CRACD: variants seen among roughly 807,000 people sequenced by gnomAD.
CRACD encodes the protein capping protein inhibiting regulator of actin dynamics, also known as capping protein-inhibiting regulator of actin dynamics.
CRACD carries 56 observed loss-of-function variants against 106.8 expected under a neutral mutation model. The ratio of observed to expected loss-of-function variants is 0.52; its 90% CI spans 0.42 to 0.66. CRACD has a LOEUF of 0.66. Ranked by LOEUF, CRACD falls within the 30% of genes least tolerant of loss-of-function variation. The pLI is 0.00. For missense variants in CRACD, 1,730 were observed against 1,623.2 expected (o/e 1.07, Z -1.13); for synonymous variants, 754 against 670.8 (o/e 1.12, Z -1.92).
At chr4:56,288,602 C>CTCTTCT (rs1473151880) in intron 3 of CRACD, 1 of 153,314 alleles carries the variant, frequency 6.5e-6, no homozygotes, top group Non-Finnish European at 1.5e-5. Flanking sequence ...CTTCCTCTTC[C>CTCTTCT]TCTTCCTTCT....
At chr4:56,074,759 G>A (rs1732779813) in intron 1 of CRACD, among the ~76,000 whole-genome samples, 2 of 152,078 alleles carry the variant, frequency 1.3e-5, no homozygotes, top group African/African-American at 4.8e-5. Flanking sequence ...TCCTTGTCTT[G>A]TGCCGGTTTT....
At chr4:56,257,962 T>C (rs946556023) in intron 2 of CRACD, among the ~76,000 whole-genome samples, 7 of 150,998 alleles carry the variant, frequency 4.6e-5, no homozygotes, top group Non-Finnish European at 1.0e-4. Context: ...CCTAGCTACT[T>C]GGGAGGCTGA....
chr4:56,155,601 C>T (rs952628896), intron 1 of CRACD, among the ~76,000 whole-genome samples: 22 of 152,138 alleles, frequency 1.4e-4, no homozygotes, highest in African/African-American at 4.8e-4. Context: ...TTATTGCTCC[C>T]ATTTTACAGA....
intron 3 of CRACD, among the ~76,000 whole-genome samples, chr4:56,278,877 C>T (rs777375434): frequency 1.3e-5 from 2 of 152,090 alleles, no homozygotes; most frequent in Non-Finnish European, 2.9e-5. Context: ...TCAATTAACA[C>T]ATAAACCATA....
intron 1 of CRACD, among the ~76,000 whole-genome samples, chr4:56,109,898 CAA>C (rs1392515238): frequency 6.6e-6 from 1 of 151,470 alleles, no homozygotes; most frequent in Non-Finnish European, 1.5e-5. Context: ...CAGAGAGGGA[CAA>C]ATGGGAGAGA....
At chr4:56,176,063 C>A (rs1366267976) in intron 1 of CRACD, among the ~76,000 whole-genome samples, 1 of 152,034 alleles carries the variant, frequency 6.6e-6, no homozygotes, top group Non-Finnish European at 1.5e-5. Flanking sequence ...GTTCTTGGTG[C>A]CTTTGTTGAA....
intron 3 of CRACD, among the ~76,000 whole-genome samples, chr4:56,288,884 T>C (rs556691243): frequency 6.6e-6 from 1 of 152,280 alleles, no homozygotes; most frequent in East Asian, 1.9e-4. Flanking sequence ...CAAATGCCCA[T>C]TGATGGATGA....
chr4:56,325,370 T>C (rs756536319), intron 10 of CRACD, among the ~76,000 whole-genome samples: 18 of 152,140 alleles, frequency 1.2e-4, no homozygotes, highest in Non-Finnish European at 2.5e-4. Flanking sequence ...AAATGTTGTA[T>C]CTGAAAACCA....
intron 2 of CRACD, among the ~76,000 whole-genome samples, chr4:56,241,635 G>A (rs1208671936): frequency 1.3e-5 from 2 of 152,188 alleles, no homozygotes; most frequent in Non-Finnish European, 2.9e-5. Flanking sequence ...GGAGTTCATG[G>A]TTTAGTGGGG....
At chr4:56,189,093 G>A (rs1737238252) in intron 2 of CRACD, among the ~76,000 whole-genome samples, 1 of 151,940 alleles carries the variant, frequency 6.6e-6, no homozygotes, top group Admixed American at 6.5e-5. Context: ...TGAGGCATGA[G>A]AATTGCTTGA....
rs776418617 is a variant in CRACD, at chr4:56,315,960, T to A, written c.2458T>A (p.Ser820Thr). Residue 820 changes from serine to threonine, a missense_variant, in exon 8 of 11, where the codon TCG (serine) becomes ACG (threonine). Transcript: ENST00000682029. The surrounding 1 kb of genome is among the most constrained non-coding windows in gnomAD (Gnocchi z 4.1). ...VVAHTEFTTS[S>T]DSETANGIAK... ...GGCCCACACAGAGTTCACGACCTCG[T>A]CGGACAGCGAGACTGCAAACGGGAT... is the stretch of plus-strand genomic sequence containing the variant. 1 of 1,614,150 alleles carries A rather than the reference T, an allele frequency of 6.2e-7. No homozygotes were observed. Among genetic ancestry groups the A allele is most frequent in the Non-Finnish European group, 8.5e-7 (1 of 1,180,028 alleles).
At chr4:56,287,407 T>A (rs1223884267) in intron 3 of CRACD, among the ~76,000 whole-genome samples, 1 of 151,984 alleles carries the variant, frequency 6.6e-6, no homozygotes, top group Non-Finnish European at 1.5e-5. Flanking sequence ...CTCAGCCTCC[T>A]GAGTAGCTGG....
In CRACD at chr4:56,257,204, C is replaced by G. The variant is rs527526180; in HGVS notation, c.-188-15117C>G. The stretch of plus-strand genomic sequence containing the variant: ...TAAAGCAATTCTCATGTTTCAGCCT[C>G]CCAAGTAGCTGGGATTACAGGTGCC... On this transcript the variant is annotated intron_variant, in intron 2 of 10. Coordinates refer to ENST00000682029, the MANE Select transcript of CRACD (RefSeq NM_001393381.1). 5.4e-4 allele frequency among the ~76,000 whole-genome samples: 82 copies of G among 151,612 alleles called. 1 individual carries two copies. Among genetic ancestry groups the G allele is most frequent in the African/African-American group, 1.9e-3 (78 of 41,278 alleles).
Position 56,327,929 on chromosome 4 carries a change from AAAT to A in CRACD, c.*129_*131del. 1 of 850,120 alleles carries A rather than the reference AAAT, an allele frequency of 1.2e-6. No individual in the cohort carries two copies. The highest frequency in any genetic ancestry group is 2.1e-5 in the South Asian group (1 of 48,624). The allele number at this position is 850,120 out of a possible 1,614,324, so 52.7% of individuals were successfully genotyped here. On this transcript the variant is annotated 3_prime_UTR_variant, in exon 11 of 11. Coordinates refer to ENST00000682029, the MANE Select transcript of CRACD (RefSeq NM_001393381.1). Reference sequence around the variant, plus strand: ...AAAGAAGCATGTTTTATAGGCTCCAAAATAATGTTTAGAAACTGAACTGGTGGT... The same window carrying A: ...AAAGAAGCATGTTTTATAGGCTCCAAAATGTTTAGAAACTGAACTGGTGGT...
At chr4:56,058,140 G>A (rs150555163) in intron 1 of CRACD, among the ~76,000 whole-genome samples, 1 of 151,642 alleles carries the variant, frequency 6.6e-6, no homozygotes, top group Non-Finnish European at 1.5e-5. Context: ...CACCATCTCG[G>A]CTCACTGCAG....
chr4:56,056,964 A>G (rs1732094716), intron 1 of CRACD, among the ~76,000 whole-genome samples: 1 of 152,234 alleles, frequency 6.6e-6, no homozygotes, highest in South Asian at 2.1e-4. Context: ...GTGTGAAAAG[A>G]GAATGCAAAA....
chr4:56,155,218 A>G (rs1468177428), intron 1 of CRACD, among the ~76,000 whole-genome samples: 1 of 152,162 alleles, frequency 6.6e-6, no homozygotes, highest in East Asian at 1.9e-4. Context: ...TTTGGGACAT[A>G]CTATGCTCAT....
chr4:56,312,253 T>G (rs1397118691), intron 6 of CRACD, among the ~76,000 whole-genome samples: 1 of 152,152 alleles, frequency 6.6e-6, no homozygotes, highest in Non-Finnish European at 1.5e-5. Context: ...CTCCGCATCC[T>G]GGGTTCAAGC....
intron 1 of CRACD, among the ~76,000 whole-genome samples, chr4:56,120,409 C>T (rs1734443963): frequency 6.6e-6 from 1 of 152,056 alleles, no homozygotes. Context: ...GAATGATTCC[C>T]TTAGTTTTAA....
Sources: gnomAD v4.1 joint callset for allele counts (sites outside exome capture counted in the v4.1 genomes callset) on GRCh38, gnomAD v4.1.1 for gene constraint, Gnocchi (gnomAD v3.1) non-coding constraint, MANE v1.5 for transcripts, NCBI Gene and HGNC (gene_info 2026-07-23, HGNC 2026-07-21) for gene names.